The following CDC42SE2 variants were observed in gnomAD, a reference collection of about 807,000 sequenced individuals.
CDC42SE2 encodes the protein CDC42 small effector protein 2.
Under a neutral mutation model 11.5 loss-of-function variants are expected in CDC42SE2, and 3 were observed. That is an observed-to-expected ratio of 0.26 (90% CI 0.12 to 0.67). The LOEUF is 0.67. Among genes scored for constraint, CDC42SE2 ranks in the 30% least tolerant of loss-of-function variants. The pLI is 0.80. For missense variants in CDC42SE2, 82 were observed against 106.8 expected (o/e 0.77, Z 1.02); for synonymous variants, 33 against 34.8 (o/e 0.95, Z 0.18).
chr5:131,303,769 G>A (rs1757729335), intron 1 of CDC42SE2, among the ~76,000 whole-genome samples: 1 of 152,062 alleles, frequency 6.6e-6, no homozygotes, highest in Non-Finnish European at 1.5e-5. Flanking sequence ...GTGCCATTTG[G>A]GATGATGCAA....
At chr5:131,382,779 C>T (rs1384824485) in intron 3 of CDC42SE2, among the ~76,000 whole-genome samples, 2 of 152,160 alleles carry the variant, frequency 1.3e-5, no homozygotes, top group African/African-American at 4.8e-5. Flanking sequence ...AGTTAAGTGG[C>T]TCACTGGGGA....
At chr5:131,339,333 A>T (rs773398705) in intron 2 of CDC42SE2, among the ~76,000 whole-genome samples, 3 of 151,710 alleles carry the variant, frequency 2.0e-5, no homozygotes, top group Non-Finnish European at 2.9e-5. Context: ...CTATGGTAAG[A>T]TAATGATAAG....
chr5:131,350,456 G>A (rs948596555), intron 2 of CDC42SE2, among the ~76,000 whole-genome samples: 10 of 152,000 alleles, frequency 6.6e-5, no homozygotes, highest in Admixed American at 1.3e-4. Flanking sequence ...ATAATGGGAT[G>A]ATTGATTCAT....
chr5:131,350,299 A>G (rs1027931778), intron 2 of CDC42SE2, among the ~76,000 whole-genome samples: 33 of 152,056 alleles, frequency 2.2e-4, no homozygotes, highest in African/African-American at 7.9e-4. Context: ...TCTGTGGTAT[A>G]ATTCATAATG....
intron 2 of CDC42SE2, among the ~76,000 whole-genome samples, chr5:131,317,026 A>C (rs1758056131): frequency 6.6e-6 from 1 of 152,168 alleles, no homozygotes; most frequent in Admixed American, 6.6e-5. Flanking sequence ...CTTCTTAATG[A>C]TGTCATCAAT....
chr5:131,387,430 G>A (rs1277415879), intron 4 of CDC42SE2, among the ~76,000 whole-genome samples: 1 of 151,962 alleles, frequency 6.6e-6, no homozygotes, highest in East Asian at 1.9e-4. Context: ...GTGCACCTGT[G>A]GTTCCAGCTG....
intron 1 of CDC42SE2, among the ~76,000 whole-genome samples, chr5:131,290,377 A>G (rs1334068465): frequency 6.6e-6 from 1 of 151,438 alleles, no homozygotes; most frequent in African/African-American, 2.4e-5. Flanking sequence ...CTTAATTGGT[A>G]TCGTGTATTT....
chr5:131,297,260 T>G (rs1757588951), intron 1 of CDC42SE2, among the ~76,000 whole-genome samples: 1 of 151,542 alleles, frequency 6.6e-6, no homozygotes, highest in Admixed American at 6.6e-5. Context: ...GCAGAGAGAA[T>G]GAGGCTGTTA....
rs565717762 is a variant in CDC42SE2, at chr5:131,268,560, C to G, written c.-455+4394C>G. Among the ~76,000 whole-genome samples the G allele has an allele frequency of 3.3e-5, 5 of 151,836 alleles. No homozygotes were observed. In the South Asian group the frequency reaches 1.0e-3, roughly 32 times the overall value. ...CTCCACCTCCCCGGTTCAAACAATT[C>G]TCCTGCCTCAGCCTCCCGAGTAGCT... On this transcript the variant is annotated intron_variant, in intron 1 of 4. Coordinates refer to ENST00000505065, the MANE Select transcript of CDC42SE2 (RefSeq NM_001375635.1).
upstream of CDC42SE2, among the ~76,000 whole-genome samples, chr5:131,260,003 A>G (rs764624891): frequency 6.6e-6 from 1 of 152,268 alleles, no homozygotes; most frequent in Non-Finnish European, 1.5e-5. Context: ...TTTTCTCAGT[A>G]TTACAAATGT....
intron 2 of CDC42SE2, among the ~76,000 whole-genome samples, chr5:131,331,008 A>G (rs1758410193): frequency 1.3e-5 from 2 of 152,154 alleles, no homozygotes; most frequent in Admixed American, 1.3e-4. Flanking sequence ...CCTGGGTAAC[A>G]GAGCGAGACC....
chr5:131,268,462 T>A (rs1390664377), intron 1 of CDC42SE2, among the ~76,000 whole-genome samples: 2 of 151,920 alleles, frequency 1.3e-5, no homozygotes, highest in Non-Finnish European at 2.9e-5. Flanking sequence ...TTTTCTTTTT[T>A]TTTTTCTGAG....
Position 131,246,205 on chromosome 5 carries a change from C to T in CDC42SE2, n.107+606C>T, listed in dbSNP as rs537142361. 1.1e-4 allele frequency among the ~76,000 whole-genome samples: 17 copies of T among 152,316 alleles called. No homozygotes were observed. The East Asian group carries it at 3.3e-3, about 29-fold the overall frequency. On this transcript the variant is annotated intron_variant and non_coding_transcript_variant, in intron 1 of 3. Coordinates refer to the CDC42SE2 transcript ENST00000502840. ...GTGTGGTGGCTCACGCCTGCAATCC[C>T]AGCGCTTTGGGAGGCTGCAGCAGGC...
In CDC42SE2 at chr5:131,372,438, C is replaced by T. The variant is rs149041854; in HGVS notation, c.54+12891C>T. ...TAGAGTTGGTCAGAAAGGCTGGGCG[C>T]GGTGGTGGCTCACGCCTGTAATCCC... On this transcript the variant is annotated intron_variant, in intron 3 of 4. Coordinates refer to ENST00000505065, the MANE Select transcript of CDC42SE2 (RefSeq NM_001375635.1). Among the ~76,000 whole-genome samples, 699 of 151,914 alleles carry T rather than the reference C, an allele frequency of 4.6e-3. 6 individuals carry two copies. Among genetic ancestry groups the T allele is most frequent in the African/African-American group, 0.013 (546 of 41,430 alleles).
chr5:131,304,464 T>C (rs960194101), intron 1 of CDC42SE2, among the ~76,000 whole-genome samples: 1 of 152,254 alleles, frequency 6.6e-6, no homozygotes, highest in Non-Finnish European at 1.5e-5. Context: ...TCATGAATTC[T>C]AAGCAGAATA....
chr5:131,333,851 A>G (rs1436426530), intron 2 of CDC42SE2, among the ~76,000 whole-genome samples: 1 of 152,330 alleles, frequency 6.6e-6, no homozygotes, highest in East Asian at 1.9e-4. Context: ...TATCAGCTTA[A>G]GGAGATTTTG....
chr5:131,233,369 A>G, the CDC42SE2 span, among the ~76,000 whole-genome samples: 1 of 152,104 alleles, frequency 6.6e-6, no homozygotes, highest in Non-Finnish European at 1.5e-5. Flanking sequence ...TTTGCTACTA[A>G]AAACAATTTT....
intron 2 of CDC42SE2, among the ~76,000 whole-genome samples, chr5:131,258,551 A>G (rs577367010): frequency 1.3e-5 from 2 of 152,090 alleles, no homozygotes; most frequent in East Asian, 1.9e-4. Flanking sequence ...CTGCAATGCA[A>G]TTGGATCACA....
intron 2 of CDC42SE2, among the ~76,000 whole-genome samples, chr5:131,356,611 T>C (rs1231043638): frequency 1.3e-5 from 2 of 152,228 alleles, no homozygotes; most frequent in Non-Finnish European, 1.5e-5. Context: ...AATGGAAATA[T>C]GTAGCAATAG....
Sources: gnomAD v4.1 joint callset for allele counts (sites outside exome capture counted in the v4.1 genomes callset) on GRCh38, gnomAD v4.1.1 for gene constraint, MANE v1.5 for transcripts, NCBI Gene and HGNC (gene_info 2026-07-23, HGNC 2026-07-21) for gene names.